Variants in NPAS3 observed in about 807,000 individuals in gnomAD.
The protein encoded by NPAS3 is neuronal PAS domain protein 3, also known as neuronal PAS domain-containing protein 3.
In NPAS3, 14 loss-of-function variants were observed where a neutral mutation model predicts 73.1. The ratio of observed to expected loss-of-function variants is 0.19; its 90% CI spans 0.13 to 0.30. NPAS3 has a LOEUF of 0.30. Ranked by LOEUF, NPAS3 falls within the 10% of genes least tolerant of loss-of-function variation. The probability of loss-of-function intolerance (pLI) is 1.00; values close to 1 mark genes in which losing one functional copy is unlikely to be tolerated. For missense variants in NPAS3, 1,096 were observed against 1,250.0 expected (o/e 0.88, Z 1.86); for synonymous variants, 620 against 541.5 (o/e 1.14, Z -2.01).
intron 1 of NPAS3, among the ~76,000 whole-genome samples, chr14:32,963,348 T>C (rs1005517144): frequency 2.0e-5 from 3 of 152,106 alleles, no homozygotes; most frequent in African/African-American, 7.2e-5. Context: ...ATTGAAATAA[T>C]GAGCTGCTAA....
chr14:33,345,359 G>C (rs1380415166), intron 3 of NPAS3, among the ~76,000 whole-genome samples: 1 of 152,208 alleles, frequency 6.6e-6, no homozygotes, highest in African/African-American at 2.4e-5. Context: ...CTGATTTTCA[G>C]ATGTGATTTA....
chr14:33,718,579 G>T (rs900318914), intron 6 of NPAS3, among the ~76,000 whole-genome samples: 1 of 152,164 alleles, frequency 6.6e-6, no homozygotes, highest in African/African-American at 2.4e-5. Flanking sequence ...GAACAAGGTA[G>T]TAACGTGTGT....
chr14:33,566,098 T>G (rs1472580093), intron 5 of NPAS3, among the ~76,000 whole-genome samples: 4 of 151,998 alleles, frequency 2.6e-5, no homozygotes, highest in African/African-American at 9.7e-5. Flanking sequence ...TCAAAATAAT[T>G]CAGAAACAGT....
intron 9 of NPAS3, chr14:33,780,731 G>A (rs561143546): frequency 5.7e-5 from 24 of 424,496 alleles, no homozygotes; most frequent in African/African-American, 1.5e-4. Flanking sequence ...CTTTCTTTCC[G>A]ATTTACTTTT....
rs548193146 is a variant in NPAS3, at chr14:33,700,313, A to T, written c.733+23928A>T. On this transcript the variant is annotated intron_variant, in intron 6 of 11. Coordinates refer to ENST00000356141, the Ensembl canonical transcript of NPAS3. ...ACGATGACAGGGCAAACTGCATCCG[A>T]GCACAGAGCTCAACTCCCTTTGTGT... Among the ~76,000 whole-genome samples, 9 of 152,320 alleles carry T rather than the reference A, an allele frequency of 5.9e-5. 1 individual carries two copies. Among genetic ancestry groups the T allele is most frequent in the South Asian group, 2.1e-4 (1 of 4,832 alleles).
At chr14:33,617,351 G>T (rs958349306) in intron 5 of NPAS3, among the ~76,000 whole-genome samples, 2 of 152,156 alleles carry the variant, frequency 1.3e-5, no homozygotes, top group Non-Finnish European at 2.9e-5. Context: ...AAGAGCAGTT[G>T]AAGGCCATGG....
chr14:33,387,597 G>T (rs1566856786), intron 4 of NPAS3, among the ~76,000 whole-genome samples: 1 of 152,076 alleles, frequency 6.6e-6, no homozygotes, highest in Non-Finnish European at 1.5e-5. Flanking sequence ...GGGGCTGCCT[G>T]CACTTATCCT....
intron 1 of NPAS3, among the ~76,000 whole-genome samples, chr14:32,982,685 C>T (rs1256352823): frequency 6.6e-6 from 1 of 152,204 alleles, no homozygotes. Flanking sequence ...ATTCAATACA[C>T]TTATCTTCAG....
At chr14:33,139,388 C>A (rs147213092) in intron 2 of NPAS3, among the ~76,000 whole-genome samples, 15 of 152,198 alleles carry the variant, frequency 9.9e-5, no homozygotes, top group African/African-American at 3.4e-4. Flanking sequence ...TCCAAAATTA[C>A]AAATAGTGGT....
rs140089201 is a variant in NPAS3 at position 32,953,686 on chromosome 14, A to G, written c.50+14320A>G. Among the ~76,000 whole-genome samples, 1,264 of 152,242 alleles carry G rather than the reference A, an allele frequency of 8.3e-3. 15 individuals are homozygous for G. Among genetic ancestry groups the G allele is most frequent in the African/African-American group, 0.029 (1,205 of 41,532 alleles). On this transcript the variant is annotated intron_variant, in intron 1 of 11. Coordinates refer to ENST00000356141, the Ensembl canonical transcript of NPAS3. Reference sequence around the variant, plus strand: ...TGAAGGACAGTTTATTACTCACAGCATTAACAGTAGTCAGAATATTAGTGT... The same window carrying G: ...TGAAGGACAGTTTATTACTCACAGCGTTAACAGTAGTCAGAATATTAGTGT...
chr14:33,637,780 A>G (rs1023769437), intron 5 of NPAS3, among the ~76,000 whole-genome samples: 1 of 152,174 alleles, frequency 6.6e-6, no homozygotes, highest in Non-Finnish European at 1.5e-5. Context: ...CATTATTACC[A>G]TGTATTTTTT....
At chr14:33,065,010 T>C (rs1421455234) in intron 2 of NPAS3, among the ~76,000 whole-genome samples, 2 of 152,222 alleles carry the variant, frequency 1.3e-5, no homozygotes, top group East Asian at 3.9e-4. Context: ...GATTTCCTTT[T>C]TGATGTGACA....
At chr14:33,670,601 A>G (rs1049494353) in intron 5 of NPAS3, among the ~76,000 whole-genome samples, 1 of 143,300 alleles carries the variant, frequency 7.0e-6, no homozygotes, top group Admixed American at 7.3e-5. Context: ...TTATCCTTCA[A>G]TAATATAAAT....
At chr14:33,720,536 T>G (rs1352500315) in intron 6 of NPAS3, among the ~76,000 whole-genome samples, 1 of 152,200 alleles carries the variant, frequency 6.6e-6, no homozygotes, top group Non-Finnish European at 1.5e-5. Context: ...AAATTACAGC[T>G]GCCTTTCTCA....
intron 2 of NPAS3, among the ~76,000 whole-genome samples, chr14:33,105,652 A>G (rs1237402976): frequency 2.0e-5 from 3 of 152,130 alleles, no homozygotes; most frequent in Admixed American, 1.3e-4. Context: ...TTACAGGACC[A>G]GGCAATAGCT....
intron 4 of NPAS3, among the ~76,000 whole-genome samples, chr14:33,557,460 A>G (rs1256052789): frequency 2.6e-5 from 4 of 152,234 alleles, no homozygotes; most frequent in Admixed American, 6.5e-5. Flanking sequence ...TAAGATGTAC[A>G]GGCTGCCTCT....
intron 6 of NPAS3, among the ~76,000 whole-genome samples, chr14:33,707,961 T>C (rs2060704411): frequency 6.6e-6 from 1 of 152,126 alleles, no homozygotes; most frequent in South Asian, 2.1e-4. Flanking sequence ...AGTTGTGTCC[T>C]AGATGTGGGA....
At chr14:33,589,399 A>G (rs2056983415) in intron 5 of NPAS3, among the ~76,000 whole-genome samples, 1 of 152,222 alleles carries the variant, frequency 6.6e-6, no homozygotes, top group South Asian at 2.1e-4. Context: ...ACCTCCCTTC[A>G]GACAGCAACC....
At chr14:33,056,525 A>G (rs1028989788) in intron 2 of NPAS3, among the ~76,000 whole-genome samples, 14 of 152,030 alleles carry the variant, frequency 9.2e-5, no homozygotes, top group African/African-American at 3.1e-4. Context: ...ACCTTACAGG[A>G]CAGTTAAATT....
Sources: allele counts gnomAD v4.1 joint callset (sites outside exome capture counted in the v4.1 genomes callset), GRCh38; gene constraint gnomAD v4.1.1; transcripts MANE v1.5; gene names NCBI Gene and HGNC (gene_info 2026-07-23, HGNC 2026-07-21).